Variants in DMD observed in about 807,000 individuals in gnomAD.
DMD encodes the protein mutant dystrophin.
DMD carries 63 observed loss-of-function variants against 330.1 expected under a neutral mutation model. The ratio of observed to expected loss-of-function variants is 0.19; its 90% confidence interval spans 0.16 to 0.24. The LOEUF (loss-of-function observed/expected upper bound fraction) is 0.24, where lower values mean the gene tolerates loss of function less well. Among genes scored for constraint, DMD ranks in the 10% least tolerant of loss-of-function variants. The pLI is 1.00. For missense variants in DMD, 3,344 were observed against 2,684.1 expected, an observed-to-expected ratio of 1.25 and a Z score of -5.43; for synonymous variants, 1,223 against 959.8, an observed-to-expected ratio of 1.27 and a Z score of -5.07.
At chrX:31,873,881 GTCTT>G (rs1266369367) in intron 48 of DMD, among the ~76,000 whole-genome samples, 2 of 111,599 alleles carry the variant, frequency 1.8e-5, no homozygotes, top group Non-Finnish European at 3.8e-5. Context: ...TCTTGGTACT[GTCTT>G]TATTCATTGA....
rs760511403 is a variant in DMD at position 31,453,765 on chromosome X, C to CAAAAAAAAAAAAAAAAA, written c.8938-9155_8938-9139dup. Among the ~76,000 whole-genome samples, 15 of 8,977 alleles carry CAAAAAAAAAAAAAAAAA rather than the reference C, an allele frequency of 1.7e-3. 1 individual carries two copies. The highest frequency in any genetic ancestry group is 4.6e-3 in the East Asian group (1 of 217). The allele number at this position is 8,977 out of a possible 115,157, so 7.8% of individuals were successfully genotyped here. A position where few individuals can be genotyped will look rare whatever the true frequency, so the allele number is the denominator to read the frequency against. Reference sequence around the variant, plus strand: ...CTCCCCTTTATAGACAAAAAACAAGCAAAAAAAAAAAAAAAAAAAAAAAAA... The same window carrying CAAAAAAAAAAAAAAAAA: ...CTCCCCTTTATAGACAAAAAACAAGCAAAAAAAAAAAAAAAAAAAAAAAAAAAAAAAAAAAAAAAAAA... On this transcript the variant is annotated intron_variant, in intron 59 of 78. Transcript: ENST00000357033.
chrX:31,513,316 A>G (rs1188072234), intron 55 of DMD, among the ~76,000 whole-genome samples: 2 of 104,638 alleles, frequency 1.9e-5, no homozygotes, highest in Non-Finnish European at 3.9e-5. Context: ...TCCTAATTGA[A>G]TACCCTTTAT....
intron 44 of DMD, among the ~76,000 whole-genome samples, chrX:32,055,433 G>T (rs1603623507): frequency 8.9e-6 from 1 of 111,822 alleles, no homozygotes; most frequent in East Asian, 2.8e-4. Context: ...CTAGATAGGA[G>T]AAATAAGTTC....
intron 55 of DMD, among the ~76,000 whole-genome samples, chrX:31,588,877 T>G (rs1472604827): frequency 4.7e-5 from 5 of 106,480 alleles, no homozygotes; most frequent in Non-Finnish European, 3.9e-5. Context: ...TCTATGTTTT[T>G]TTTTTTTTTT....
chrX:31,500,504 C>T (rs984718973), intron 56 of DMD, among the ~76,000 whole-genome samples: 1 of 112,426 alleles, frequency 8.9e-6, no homozygotes, highest in African/African-American at 3.2e-5. Context: ...AAAACATTTT[C>T]TTTGACCATG....
At chrX:31,939,417 G>T (rs1350766157) in intron 45 of DMD, among the ~76,000 whole-genome samples, 2 of 111,885 alleles carry the variant, frequency 1.8e-5, no homozygotes, top group African/African-American at 3.2e-5. Flanking sequence ...CTTTTGAGTA[G>T]ATGTGGAAAA....
chrX:32,735,978 C>G (rs1175002832), intron 7 of DMD, among the ~76,000 whole-genome samples: 3 of 111,338 alleles, frequency 2.7e-5, no homozygotes, highest in East Asian at 2.8e-4. Context: ...AGTGAACAGG[C>G]AACCTACAAA....
intron 1 of DMD, among the ~76,000 whole-genome samples, chrX:33,122,363 G>T (rs1260169552): frequency 8.9e-6 from 1 of 112,758 alleles, no homozygotes; most frequent in Non-Finnish European, 1.9e-5. Context: ...ACTTAAAATT[G>T]TATAAAATTA....
intron 52 of DMD, among the ~76,000 whole-genome samples, chrX:31,723,623 AACACACACACACACACACAC>A (rs55718177): frequency 1.7e-4 from 13 of 77,685 alleles, no homozygotes; most frequent in East Asian, 4.3e-4. Context: ...TATCCTCCAC[AACACACACACACACACACAC>A]ACACACACAC....
chrX:31,968,333 C>G lies in DMD; in HGVS notation c.6614+6G>C. ...GTTTTCATTCCTATTAGATCTGTCGCCCTACCTCTTTTTTCTGTCTGACAG... is the reference window on the plus strand; with the variant it reads ...GTTTTCATTCCTATTAGATCTGTCGGCCTACCTCTTTTTTCTGTCTGACAG... On this transcript the variant is annotated splice_donor_region_variant and intron_variant, in intron 45 of 78. Coordinates refer to ENST00000357033, the MANE Select transcript of DMD (RefSeq NM_004006.3). The G allele has an allele frequency of 8.3e-7, 1 of 1,209,805 alleles. No homozygotes were observed. Among genetic ancestry groups the G allele is most frequent in the Non-Finnish European group, 1.1e-6 (1 of 894,109 alleles).
chrX:32,506,035 C>T (rs911111294), intron 18 of DMD, among the ~76,000 whole-genome samples: 1 of 110,933 alleles, frequency 9.0e-6, no homozygotes, highest in African/African-American at 3.3e-5. Flanking sequence ...TGTAGATGAA[C>T]GGGAAAAGTA....
intron 51 of DMD, among the ~76,000 whole-genome samples, chrX:31,769,261 ATTATC>A: frequency 8.9e-6 from 1 of 112,127 alleles, no homozygotes; most frequent in Non-Finnish European, 1.9e-5. Flanking sequence ...GTCTCATTGC[ATTATC>A]TTATCTATCT....
Position 31,258,682 on chromosome X carries a change from T to C in DMD, c.9286+2273A>G, listed in dbSNP as rs150858740. On this transcript the variant is annotated intron_variant, in intron 63 of 78. Coordinates refer to ENST00000357033, the MANE Select transcript of DMD (RefSeq NM_004006.3). ...TCTGTTATAATTCAAAATTGAGTGA[T>C]GTCACAAGCCCAATGTCACAAGTCA... Among the ~76,000 whole-genome samples the C allele has an allele frequency of 9.8e-3, 1,095 of 112,253 alleles. 13 individuals are homozygous for C. The highest frequency in any genetic ancestry group is 0.033 in the African/African-American group (1,027 of 30,919).
chrX:32,654,904 C>T (rs920620306), intron 9 of DMD, among the ~76,000 whole-genome samples: 1 of 111,784 alleles, frequency 8.9e-6, no homozygotes, highest in Non-Finnish European at 1.9e-5. Context: ...CGAATTTATC[C>T]ATTCCTTCTA....
At chrX:31,782,959 A>T (rs913443489) in intron 50 of DMD, among the ~76,000 whole-genome samples, 4 of 111,801 alleles carry the variant, frequency 3.6e-5, no homozygotes, top group African/African-American at 1.3e-4. Flanking sequence ...TTGTATATGA[A>T]AAAAGTAGAG....
chrX:31,509,541 T>C lies in DMD; in HGVS notation c.8218-2088A>G, dbSNP rs1455646458. On this transcript the variant is annotated intron_variant, in intron 55 of 78. Transcript: ENST00000357033. ...GTTTTCTATGTTTACTACATTAACA[T>C]ACATATAAAGGATAGTACATTTGAA... Among the ~76,000 whole-genome samples the C allele has an allele frequency of 4.5e-5, 5 of 111,965 alleles. No homozygotes were observed. In the South Asian group the frequency reaches 1.5e-3, roughly 33 times the overall value.
chrX:32,384,918 A>C (rs2097947750), intron 33 of DMD, among the ~76,000 whole-genome samples: 1 of 111,531 alleles, frequency 9.0e-6, no homozygotes, highest in Admixed American at 9.6e-5. Flanking sequence ...ATATCCGTTT[A>C]TGGAAAGATA....
At chrX:31,706,669 G>A (rs1450154273) in intron 52 of DMD, among the ~76,000 whole-genome samples, 4 of 111,480 alleles carry the variant, frequency 3.6e-5, no homozygotes, top group Admixed American at 1.9e-4. Context: ...AGCAATAAAC[G>A]CATCTATGTT....
intron 2 of DMD, among the ~76,000 whole-genome samples, chrX:32,886,682 CA>C (rs763733630): frequency 1.9e-5 from 2 of 107,877 alleles, no homozygotes; most frequent in Admixed American, 9.8e-5. Context: ...GACTCCGTCT[CA>C]AAAAAAAAGG....
Sources: allele counts gnomAD v4.1 joint callset (sites outside exome capture counted in the v4.1 genomes callset), GRCh38; gene constraint gnomAD v4.1.1; transcripts MANE v1.5; gene names NCBI Gene and HGNC (gene_info 2026-07-23, HGNC 2026-07-21).